The following AFG2A variants were observed in gnomAD, a reference collection of about 807,000 sequenced individuals.
The protein encoded by AFG2A is ATPase family gene 2 protein homolog A.
chr4:123,315,713 C>G, the AFG2A span: 3 of 152,114 alleles, frequency 2.0e-5, no homozygotes, highest in African/African-American at 7.2e-5. Flanking sequence ...CCCAGAAAGA[C>G]AAATCAGACA....
chr4:122,977,325 T>C, the AFG2A span, among the ~76,000 whole-genome samples: 1 of 152,036 alleles, frequency 6.6e-6, no homozygotes, highest in African/African-American at 2.4e-5. Flanking sequence ...GTGAAGGGGG[T>C]GTGAGTGAGC....
chr4:123,196,411 C>G, the AFG2A span, among the ~76,000 whole-genome samples: 2 of 152,164 alleles, frequency 1.3e-5, no homozygotes, highest in Middle Eastern at 6.8e-3. Context: ...ACTAAGACAT[C>G]ATGCCAGTTA....
chr4:122,936,085 T>C, the AFG2A span: 15 of 1,589,820 alleles, frequency 9.4e-6, no homozygotes, highest in Non-Finnish European at 1.3e-5. Context: ...TTTAAATGTA[T>C]TTTATTTGTT....
At chr4:123,155,763 T>C in the AFG2A span, among the ~76,000 whole-genome samples, 3 of 152,224 alleles carry the variant, frequency 2.0e-5, no homozygotes, top group South Asian at 2.1e-4. Context: ...TCCTCAGATT[T>C]TGGTATCTGC....
the AFG2A span, among the ~76,000 whole-genome samples, chr4:123,302,226 T>G: frequency 6.6e-6 from 1 of 152,152 alleles, no homozygotes; most frequent in African/African-American, 2.4e-5. Flanking sequence ...TTGCTTGCTT[T>G]CTTCTCCCAA....
chr4:123,029,326 C>T, the AFG2A span, among the ~76,000 whole-genome samples: 6 of 152,290 alleles, frequency 3.9e-5, no homozygotes, highest in South Asian at 4.2e-4. Context: ...CCTGCCTCGG[C>T]CTCCCAAAGT....
At chr4:123,275,819 A>G in the AFG2A span, among the ~76,000 whole-genome samples, 1 of 152,196 alleles carries the variant, frequency 6.6e-6, no homozygotes, top group Non-Finnish European at 1.5e-5. Flanking sequence ...TGCAAAAGAC[A>G]TGATCTTGTT....
chr4:123,050,155 G>A, the AFG2A span, among the ~76,000 whole-genome samples: 1 of 151,774 alleles, frequency 6.6e-6, no homozygotes, highest in Non-Finnish European at 1.5e-5. Context: ...TGGTGGTTGT[G>A]GTCAAAAAAG....
chr4:123,173,700 T>A, the AFG2A span, among the ~76,000 whole-genome samples: 94 of 152,236 alleles, frequency 6.2e-4, 1 homozygote, highest in East Asian at 5.6e-3. Flanking sequence ...TAAGGATGGT[T>A]TAACATTTAA....
the AFG2A span, among the ~76,000 whole-genome samples, chr4:123,042,439 C>CAAGTAATG: frequency 2.6e-5 from 4 of 152,254 alleles, no homozygotes; most frequent in South Asian, 8.3e-4. Context: ...CCCAAGGGCC[C>CAAGTAATG]TGTCTTCTAA....
chr4:123,224,024 A>C, the AFG2A span, among the ~76,000 whole-genome samples: 3 of 152,044 alleles, frequency 2.0e-5, no homozygotes, highest in African/African-American at 7.2e-5. Context: ...TTCCCTTATG[A>C]TTTCTGTAGG....
At chr4:123,241,700 C>T in the AFG2A span, among the ~76,000 whole-genome samples, 8 of 152,250 alleles carry the variant, frequency 5.3e-5, no homozygotes, top group Admixed American at 2.0e-4. Flanking sequence ...AAACTGGAAG[C>T]GTTCCCTTTG....
At chr4:123,016,207 G>C in the AFG2A span, among the ~76,000 whole-genome samples, 1 of 135,214 alleles carries the variant, frequency 7.4e-6, no homozygotes. Flanking sequence ...TGGCCGGGCA[G>C]GGGGCTGATC....
the AFG2A span, among the ~76,000 whole-genome samples, chr4:123,055,677 T>C: frequency 2.0e-5 from 3 of 152,184 alleles, no homozygotes; most frequent in African/African-American, 7.2e-5. Context: ...AAGGGGTGTG[T>C]GTATGTGTTT....
At chr4:122,951,456 ACACG>A in the AFG2A span, among the ~76,000 whole-genome samples, 4 of 151,004 alleles carry the variant, frequency 2.6e-5, no homozygotes, top group Non-Finnish European at 4.4e-5. Context: ...ACACACACAC[ACACG>A]CACGCACACA....
the AFG2A span, among the ~76,000 whole-genome samples, chr4:123,099,683 G>A: frequency 1.4e-3 from 216 of 151,854 alleles, no homozygotes; most frequent in Middle Eastern, 3.4e-3. Context: ...ATCCCCTCTT[G>A]AAAGCTCTCT....
At chr4:123,242,690 C>T in the AFG2A span, among the ~76,000 whole-genome samples, 1 of 152,206 alleles carries the variant, frequency 6.6e-6, no homozygotes, top group African/African-American at 2.4e-5. Flanking sequence ...TAGGCCTAGT[C>T]AAGGACTTCA....
At chr4:123,152,090 A>G in the AFG2A span, among the ~76,000 whole-genome samples, 1 of 151,532 alleles carries the variant, frequency 6.6e-6, no homozygotes, top group Admixed American at 6.6e-5. Flanking sequence ...GAACACATGG[A>G]CACAGGGAGG....
chr4:122,981,731 C>T, the AFG2A span, among the ~76,000 whole-genome samples: 6 of 151,774 alleles, frequency 4.0e-5, no homozygotes, highest in Admixed American at 2.6e-4. Flanking sequence ...GGTCTTTCAC[C>T]GTCTTGGTTA....
Sources: allele counts gnomAD v4.1 joint callset (sites outside exome capture counted in the v4.1 genomes callset), GRCh38; gene constraint gnomAD v4.1.1; transcripts MANE v1.5; gene names NCBI Gene and HGNC (gene_info 2026-07-23, HGNC 2026-07-21).